Variants in GABRA4 observed in about 807,000 individuals in gnomAD.
GABRA4 encodes the protein gamma-aminobutyric acid type A receptor subunit alpha4, also known as gamma-aminobutyric acid receptor subunit alpha-4.
GABRA4 carries 12 observed loss-of-function variants against 49.7 expected under a neutral mutation model. The observed-to-expected ratio is 0.24, with a 90% CI of 0.15 to 0.39. The LOEUF is 0.39. Among genes scored for constraint, GABRA4 ranks in the 10% least tolerant of loss-of-function variants. GABRA4 has a pLI of 1.00. For synonymous variants in GABRA4, 288 were observed against 240.2 expected, an observed-to-expected ratio of 1.20 and a Z score of -1.84; for missense variants, 506 against 686.0, an observed-to-expected ratio of 0.74 and a Z score of 2.93.
At chr4:46,967,494 C>T (rs1224527936) in intron 7 of GABRA4, among the ~76,000 whole-genome samples, 1 of 151,516 alleles carries the variant, frequency 6.6e-6, no homozygotes, top group African/African-American at 2.4e-5. Flanking sequence ...CCCATAAATT[C>T]AGTAATTACT....
intron 8 of GABRA4, among the ~76,000 whole-genome samples, 167 bp from the exon 9 acceptor site, chr4:46,928,922 T>C (rs1331545898): frequency 6.6e-6 from 1 of 152,094 alleles, no homozygotes; most frequent in East Asian, 1.9e-4. Flanking sequence ...ATAACTAAAA[T>C]ATAATGTGCA....
chr4:46,990,907 C>T (rs749138644), intron 2 of GABRA4, among the ~76,000 whole-genome samples: 24 of 152,146 alleles, frequency 1.6e-4, no homozygotes, highest in Non-Finnish European at 2.9e-4. Flanking sequence ...GCTGGCCCGG[C>T]GCGGCTCACG....
At chr4:46,983,938 A>G (rs1723443799) in intron 2 of GABRA4, among the ~76,000 whole-genome samples, 1 of 152,086 alleles carries the variant, frequency 6.6e-6, no homozygotes. Context: ...TTTGGGAAAG[A>G]AAGAGCCAAG....
chr4:46,962,434 A>C (rs1303409004), intron 8 of GABRA4, among the ~76,000 whole-genome samples: 1 of 151,932 alleles, frequency 6.6e-6, no homozygotes, highest in Non-Finnish European at 1.5e-5. Context: ...AAAATTAGAA[A>C]ACACTGATGA....
chr4:46,928,136 T>C lies in GABRA4; in HGVS notation c.*89A>G. Reference sequence around the variant, plus strand: ...GAAAAATTACACAGAGTTTTTATTTTAGTAAAGAATATTTGTTTATATTTA... The same window carrying C: ...GAAAAATTACACAGAGTTTTTATTTCAGTAAAGAATATTTGTTTATATTTA... On this transcript the variant is annotated 3_prime_UTR_variant, in exon 9 of 9. Transcript: ENST00000264318. 1 of 1,110,522 alleles carries C rather than the reference T, an allele frequency of 9.0e-7. No homozygotes were observed. Among genetic ancestry groups the C allele is most frequent in the Non-Finnish European group, 1.2e-6 (1 of 808,662 alleles). 68.8% of individuals were successfully genotyped at this position (1,110,522 alleles called of 1,614,324 possible).
intron 6 of GABRA4, 72 bp from the exon 7 acceptor site, chr4:46,971,307 T>A: frequency 7.4e-7 from 1 of 1,356,420 alleles, no homozygotes; most frequent in Non-Finnish European, 1.0e-6. Context: ...ATAAACATAT[T>A]TCAGACTAAC....
intron 8 of GABRA4, among the ~76,000 whole-genome samples, chr4:46,940,563 G>T (rs1271945424): frequency 2.0e-5 from 3 of 151,908 alleles, no homozygotes; most frequent in Non-Finnish European, 2.9e-5. Flanking sequence ...CTTTACCAAT[G>T]GAAGTAGTCA....
intron 6 of GABRA4, among the ~76,000 whole-genome samples, chr4:46,973,703 A>G (rs945983269): frequency 2.0e-5 from 3 of 151,870 alleles, no homozygotes; most frequent in Non-Finnish European, 4.4e-5. Flanking sequence ...ACATTCCAAA[A>G]GAAAAGAGAG....
chr4:46,932,018 G>A (rs1251486644), intron 8 of GABRA4, among the ~76,000 whole-genome samples: 1 of 152,076 alleles, frequency 6.6e-6, no homozygotes, highest in Non-Finnish European at 1.5e-5. Flanking sequence ...CAATATTATT[G>A]TGGCAATAGA....
rs1721138084 is a variant in GABRA4 at position 46,924,413 on chromosome 4, T to A, written c.*3812A>T. 1 of 152,024 alleles carries A rather than the reference T, an allele frequency of 6.6e-6. No homozygotes were observed. Among genetic ancestry groups the A allele is most frequent in the Non-Finnish European group, 1.5e-5 (1 of 67,972 alleles). 9.4% of individuals were successfully genotyped at this position (152,024 alleles called of 1,614,324 possible). A position where few individuals can be genotyped will look rare whatever the true frequency, so the allele number is the denominator to read the frequency against. On this transcript the variant is annotated 3_prime_UTR_variant, in exon 9 of 9. Coordinates refer to ENST00000264318, the MANE Select transcript of GABRA4 (RefSeq NM_000809.4). ...GTATTCTACTGAAGCATTAGTTACA[T>A]CCCATAATTTTTTGTCTATGCATCT... is the stretch of plus-strand genomic sequence containing the variant.
In GABRA4 at chr4:46,928,560, T is replaced by C. The variant is rs1276887650; in HGVS notation, c.1330A>G (p.Thr444Ala). ...NPFSRANAAE[T>A]ISAARALPSA... ...GGAAGTGCTCTTGCTGCAGATATGGTTTCAGCTGCATTTGCACGGCTGAAT... is the reference window on the plus strand; with the variant it reads ...GGAAGTGCTCTTGCTGCAGATATGGCTTCAGCTGCATTTGCACGGCTGAAT... The change falls in exon 9 of 9, where the codon ACC (threonine) becomes GCC (alanine). Residue 444 changes from threonine to alanine, a missense_variant. This residue lies in a region of GABRA4 where 243 missense variants were observed against 210.8 expected (regional missense o/e 1.15). Transcript: ENST00000264318. 6.2e-7 allele frequency: 1 copy of C among 1,613,580 alleles called. No homozygotes were observed. The highest frequency in any genetic ancestry group is 1.3e-5 in the African/African-American group (1 of 74,896).
At chr4:46,976,354 C>CAAAAA (rs71193888) in intron 5 of GABRA4, among the ~76,000 whole-genome samples, 3 of 51,744 alleles carry the variant, frequency 5.8e-5, no homozygotes, top group Admixed American at 2.9e-4. Flanking sequence ...CACCCATTCT[C>CAAAAA]AAAAAAAAAA....
At position 46,956,237 on chromosome 4, in the gene GABRA4, C is replaced by A. The variant is rs1012377117; in HGVS notation, c.1134+8733G>T. 3.3e-5 allele frequency among the ~76,000 whole-genome samples: 5 copies of A among 151,986 alleles called. No individual in the cohort carries two copies. The South Asian group carries it at 1.0e-3, about 32-fold the overall frequency. On this transcript the variant is annotated intron_variant, in intron 8 of 8. Transcript: ENST00000264318. ...AAATTTAAAGAATGTCACTAAACTC[C>A]TGTCATAAACACACCTAAATGTCAG... is the stretch of plus-strand genomic sequence containing the variant.
intron 8 of GABRA4, among the ~76,000 whole-genome samples, chr4:46,929,281 A>G (rs1560460714): frequency 6.6e-6 from 1 of 152,092 alleles, no homozygotes; most frequent in East Asian, 1.9e-4. Context: ...TTTGATTTCT[A>G]AGTCCTTTCA....
In GABRA4 at chr4:46,924,955, C is replaced by G. The variant is rs1466470273; in HGVS notation, c.*3270G>C. 2 of 151,956 alleles carry G rather than the reference C, an allele frequency of 1.3e-5. No individual in the cohort carries two copies. The highest frequency in any genetic ancestry group is 4.8e-5 in the African/African-American group (2 of 41,412). 9.4% of individuals were successfully genotyped at this position (151,956 alleles called of 1,614,324 possible). A position where few individuals can be genotyped will look rare whatever the true frequency, so the allele number is the denominator to read the frequency against. ...CAGAACTTGAAATTAAGTGACCCAT[C>G]TCCACACCTGGTGTCTTTTACTGGA... On this transcript the variant is annotated 3_prime_UTR_variant, in exon 9 of 9. Coordinates refer to ENST00000264318, the MANE Select transcript of GABRA4 (RefSeq NM_000809.4).
chr4:46,928,102 C>A lies in GABRA4; in HGVS notation c.*123G>T. ...AACTCTCCCAATAACTGGCTTATAT[C>A]TTTAAATGGAAAAATTACACAGAGT... On this transcript the variant is annotated 3_prime_UTR_variant, in exon 9 of 9. Coordinates refer to ENST00000264318, the MANE Select transcript of GABRA4 (RefSeq NM_000809.4). 1 of 874,268 alleles carries A rather than the reference C, an allele frequency of 1.1e-6. No individual in the cohort carries two copies. Among genetic ancestry groups the A allele is most frequent in the Non-Finnish European group, 1.7e-6 (1 of 601,462 alleles). 54.2% of individuals were successfully genotyped at this position (874,268 alleles called of 1,614,324 possible). A position where few individuals can be genotyped will look rare whatever the true frequency, so the allele number is the denominator to read the frequency against.
At chr4:46,939,433 A>C (rs567270570) in intron 8 of GABRA4, among the ~76,000 whole-genome samples, 2 of 152,146 alleles carry the variant, frequency 1.3e-5, no homozygotes, top group East Asian at 3.9e-4. Flanking sequence ...ACAACAACCC[A>C]TGAGATAGTA....
chr4:46,993,450 C>G lies in GABRA4; in HGVS notation c.-26G>C, dbSNP rs754575276. 4.3e-6 allele frequency: 7 copies of G among 1,612,218 alleles called. No homozygotes were observed. Among genetic ancestry groups the G allele is most frequent in the Non-Finnish European group, 5.9e-6 (7 of 1,178,266 alleles). On this transcript the variant is annotated 5_prime_UTR_variant, in exon 1 of 9. Coordinates refer to ENST00000264318, the MANE Select transcript of GABRA4 (RefSeq NM_000809.4). ...CTTTGCAACATGCCATACTTCAAGC[C>G]TGTTCACGTTTCCAGGCTCTTCAGA...
In GABRA4 at chr4:46,965,246, CAG is replaced by C; in HGVS notation, c.875-19_875-18del. On this transcript the variant is annotated intron_variant, in intron 7 of 8. Transcript: ENST00000264318. Reference sequence around the variant, plus strand: ...TTGTTATTCCTTCAAAGCAAAAGAGCAGAGAGACAAAACACCTTACCATCATT... The same window carrying C: ...TTGTTATTCCTTCAAAGCAAAAGAGCAGAGACAAAACACCTTACCATCATT... 4.2e-6 allele frequency: 6 copies of C among 1,412,020 alleles called. No homozygotes were observed. The highest frequency in any genetic ancestry group is 5.6e-6 in the Non-Finnish European group (6 of 1,074,308). The allele number at this position is 1,412,020 out of a possible 1,614,324, so 87.5% of individuals were successfully genotyped here. A position where few individuals can be genotyped will look rare whatever the true frequency, so the allele number is the denominator to read the frequency against.
Sources: gnomAD v4.1 joint callset for allele counts (sites outside exome capture counted in the v4.1 genomes callset) on GRCh38, gnomAD v4.1.1 for gene constraint, gnomAD v4.1.1 regional missense constraint, MANE v1.5 for transcripts, NCBI Gene and HGNC (gene_info 2026-07-23, HGNC 2026-07-21) for gene names.